CCDC91: variants seen among roughly 807,000 people sequenced by gnomAD.
CCDC91 encodes coiled-coil domain containing 91, also known as coiled-coil domain-containing protein 91.
A neutral mutation model predicts 63.2 loss-of-function variants in CCDC91; 48 were observed. The observed-to-expected ratio is 0.76, with a 90% CI of 0.60 to 0.97. The LOEUF (loss-of-function observed/expected upper bound fraction) is 0.97, where lower values mean the gene tolerates loss of function less well. CCDC91 is among the 50% of genes least tolerant of loss of function. CCDC91 has a pLI of 0.00. For missense variants in CCDC91, 500 were observed against 494.6 expected (o/e 1.01, Z -0.10); for synonymous variants, 167 against 165.8 (o/e 1.01, Z -0.06).
chr12:28,223,915 A>C (rs2135712722), intron 1 of CCDC91, among the ~76,000 whole-genome samples: 1 of 152,218 alleles, frequency 6.6e-6, no homozygotes, highest in Non-Finnish European at 1.5e-5. Context: ...AGGCCATTGG[A>C]GGTATGTTTG....
chr12:28,450,503 A>G, intron 10 of CCDC91, 85 bp downstream of exon 10: 1 of 971,702 alleles, frequency 1.0e-6, no homozygotes, highest in Non-Finnish European at 1.6e-6. Flanking sequence ...AATCTTTTAT[A>G]AAATGTTTCA....
intron 6 of CCDC91, among the ~76,000 whole-genome samples, chr12:28,343,958 G>A (rs543349355): frequency 6.6e-6 from 1 of 152,102 alleles, no homozygotes; most frequent in African/African-American, 2.4e-5. Context: ...TGCCAGGATA[G>A]GAGAGAGAGA....
intron 11 of CCDC91, among the ~76,000 whole-genome samples, chr12:28,471,175 A>T (rs1950795436): frequency 6.6e-6 from 1 of 152,204 alleles, no homozygotes; most frequent in Non-Finnish European, 1.5e-5. Context: ...ATTTTTGAGG[A>T]ACAGAGCCAA....
chr12:28,508,060 C>G (rs1938948369), intron 12 of CCDC91, among the ~76,000 whole-genome samples: 1 of 151,886 alleles, frequency 6.6e-6, no homozygotes, highest in East Asian at 1.9e-4. Flanking sequence ...AGGGACTCAA[C>G]TGAGTACCAC....
intron 7 of CCDC91, among the ~76,000 whole-genome samples, chr12:28,364,941 A>G (rs1210092788): frequency 6.6e-6 from 1 of 152,308 alleles, no homozygotes; most frequent in East Asian, 1.9e-4. Context: ...TATATCTGAT[A>G]ATATTTCTCC....
intron 6 of CCDC91, among the ~76,000 whole-genome samples, chr12:28,359,476 A>G (rs1385772244): frequency 2.0e-5 from 3 of 152,200 alleles, no homozygotes; most frequent in Non-Finnish European, 4.4e-5. Flanking sequence ...AATTAGTAAT[A>G]GGTATTGTCA....
chr12:28,354,489 G>A (rs1466328063), intron 6 of CCDC91, among the ~76,000 whole-genome samples: 3 of 152,024 alleles, frequency 2.0e-5, no homozygotes, highest in Non-Finnish European at 2.9e-5. Context: ...CAGGTTTTAG[G>A]ACTTGGACAA....
intron 3 of CCDC91, among the ~76,000 whole-genome samples, chr12:28,261,496 C>T (rs1269075031): frequency 6.6e-6 from 1 of 151,768 alleles, no homozygotes; most frequent in East Asian, 1.9e-4. Context: ...AAGCTATGGG[C>T]ACTGATGCCA....
chr12:28,381,774 G>T (rs1316090308), intron 7 of CCDC91, among the ~76,000 whole-genome samples: 1 of 152,078 alleles, frequency 6.6e-6, no homozygotes. Flanking sequence ...ACTACTTGGT[G>T]CCATTTTATT....
intron 3 of CCDC91, among the ~76,000 whole-genome samples, chr12:28,297,792 G>A (rs114360971): frequency 6.6e-6 from 1 of 151,916 alleles, no homozygotes; most frequent in African/African-American, 2.4e-5. Context: ...TTTAAAAATT[G>A]CACCTTGACT....
At chr12:28,538,397 G>T (rs1214686768) in intron 12 of CCDC91, among the ~76,000 whole-genome samples, 2 of 151,418 alleles carry the variant, frequency 1.3e-5, no homozygotes, top group Non-Finnish European at 2.9e-5. Flanking sequence ...GAGAATGATG[G>T]TTTTCAGCTT....
In CCDC91 at chr12:28,491,861, T is replaced by TTGTGTG. The variant is rs35451448; in HGVS notation, c.1215+7727_1215+7732dup. ...CAGCCATCCTTAGAAGTCAAAAATTTTGTGTGTGTGTGTGTGTGTGTGTGT... is the reference window on the plus strand; with the variant it reads ...CAGCCATCCTTAGAAGTCAAAAATTTTGTGTGTGTGTGTGTGTGTGTGTGTGTGTGT... On this transcript the variant is annotated intron_variant, in intron 12 of 12. Coordinates refer to ENST00000536442, the MANE Select transcript of CCDC91 (RefSeq NM_018318.5). Among the ~76,000 whole-genome samples, 168 of 145,258 alleles carry TTGTGTG rather than the reference T, an allele frequency of 1.2e-3. 1 individual carries two copies. The highest frequency in any genetic ancestry group is 0.01 in the East Asian group (49 of 4,834).
At chr12:28,379,709 G>C (rs1175183652) in intron 7 of CCDC91, among the ~76,000 whole-genome samples, 2 of 152,156 alleles carry the variant, frequency 1.3e-5, no homozygotes, top group Non-Finnish European at 2.9e-5. Flanking sequence ...GTTGGTGGGA[G>C]TGTATATTAG....
Position 28,306,813 on chromosome 12 carries a change from T to C in CCDC91, c.339T>C (p.Asn113=), listed in dbSNP as rs1565771058. The C allele has an allele frequency of 1.9e-6, 3 of 1,612,220 alleles. No homozygotes were observed. The East Asian group carries it at 6.7e-5, about 36-fold the overall frequency. ...TGGGTTTAACTGATGAAAAAAGTAA[T>C]GGAACAATTGCCCTTGTGGATGATT... ...FPLGLTDEKS[N]GTIALVDDSE... is the part of the protein sequence containing the mutation. The change falls in exon 5 of 13, where the codon AAT becomes AAC. Residue 113 remains asparagine (N), a synonymous_variant. Coordinates refer to ENST00000536442, the MANE Select transcript of CCDC91 (RefSeq NM_018318.5).
intron 8 of CCDC91, among the ~76,000 whole-genome samples, chr12:28,441,968 A>T (rs961485518): frequency 1.3e-5 from 2 of 152,034 alleles, no homozygotes; most frequent in African/African-American, 4.8e-5. Context: ...AAAGAAAAAG[A>T]CTTTTAAAAT....
At chr12:28,345,533 C>T (rs1294882588) in intron 6 of CCDC91, among the ~76,000 whole-genome samples, 2 of 151,972 alleles carry the variant, frequency 1.3e-5, no homozygotes, top group African/African-American at 2.4e-5. Context: ...ACACTTACTG[C>T]AGTGTAAGCT....
At chr12:28,514,464 GT>G (rs1939716238) in intron 12 of CCDC91, among the ~76,000 whole-genome samples, 1 of 146,300 alleles carries the variant, frequency 6.8e-6, no homozygotes, top group Admixed American at 6.8e-5. Flanking sequence ...TTTTTTTTTT[GT>G]TTGTTTTTTG....
At chr12:28,446,029 T>C (rs1397591595) in intron 8 of CCDC91, among the ~76,000 whole-genome samples, 2 of 150,984 alleles carry the variant, frequency 1.3e-5, no homozygotes, top group Non-Finnish European at 3.0e-5. Flanking sequence ...AAGCAGATAA[T>C]CTCTGAACTC....
At chr12:28,364,286 G>A (rs774478156) in intron 7 of CCDC91, among the ~76,000 whole-genome samples, 17 of 152,036 alleles carry the variant, frequency 1.1e-4, no homozygotes, top group Non-Finnish European at 1.9e-4. Flanking sequence ...CTTGGGGGAG[G>A]CTGAGGCAGG....
Sources: allele counts gnomAD v4.1 joint callset (sites outside exome capture counted in the v4.1 genomes callset), GRCh38; gene constraint gnomAD v4.1.1; transcripts MANE v1.5; gene names NCBI Gene and HGNC (gene_info 2026-07-23, HGNC 2026-07-21).